RAB3GAP1: variants seen among roughly 807,000 people sequenced by gnomAD.
The protein encoded by RAB3GAP1 is RAB3 GTPase activating protein catalytic subunit 1, also known as rab3 GTPase-activating protein catalytic subunit.
RAB3GAP1 carries 86 observed loss-of-function variants against 130.7 expected under a neutral mutation model. The ratio of observed to expected loss-of-function variants is 0.66; its 90% CI spans 0.55 to 0.79. The LOEUF (loss-of-function observed/expected upper bound fraction) is 0.79. Ranked by LOEUF, RAB3GAP1 falls within the 30% of genes least tolerant of loss-of-function variation. RAB3GAP1 has a pLI of 0.00. For synonymous variants in RAB3GAP1, 367 were observed against 401.7 expected (o/e 0.91, Z 1.03); for missense variants, 1,029 against 1,169.4 (o/e 0.88, Z 1.75).
At chr2:135,157,193 A>AT (rs1253005202) in intron 19 of RAB3GAP1, among the ~76,000 whole-genome samples, 3 of 152,170 alleles carry the variant, frequency 2.0e-5, no homozygotes, top group Non-Finnish European at 4.4e-5. Context: ...ATTTTTCTTA[A>AT]TTTTTTATAG....
intron 3 of RAB3GAP1, among the ~76,000 whole-genome samples, chr2:135,065,349 A>G (rs1234041806): frequency 1.3e-5 from 2 of 152,208 alleles, no homozygotes; most frequent in Admixed American, 6.5e-5. Flanking sequence ...TTTTCCAGTT[A>G]GGTACGTGTG....
intron 3 of RAB3GAP1, among the ~76,000 whole-genome samples, chr2:135,085,236 A>G (rs1205499234): frequency 2.6e-5 from 4 of 152,190 alleles, no homozygotes; most frequent in Non-Finnish European, 5.9e-5. Flanking sequence ...TTACATTTTT[A>G]TATCCTTTTA....
intron 3 of RAB3GAP1, among the ~76,000 whole-genome samples, chr2:135,083,744 C>T (rs1338197002): frequency 2.1e-5 from 3 of 142,328 alleles, no homozygotes; most frequent in Non-Finnish European, 4.5e-5. Flanking sequence ...GGATTATAGG[C>T]GTCAGCCACT....
chr2:135,139,997 C>T (rs78443136), intron 17 of RAB3GAP1, among the ~76,000 whole-genome samples: 1,523 of 152,190 alleles, frequency 0.01, 23 homozygotes, highest in African/African-American at 0.035. Flanking sequence ...TGTACTCTTT[C>T]GTTGTATAAT....
intron 3 of RAB3GAP1, among the ~76,000 whole-genome samples, chr2:135,089,491 C>T (rs546079086): frequency 6.6e-6 from 1 of 152,170 alleles, no homozygotes; most frequent in Non-Finnish European, 1.5e-5. Flanking sequence ...TGGCCATTTT[C>T]ATAGTATTGA....
At chr2:135,159,639 A>G (rs1422532414) in intron 19 of RAB3GAP1, among the ~76,000 whole-genome samples, 1 of 152,214 alleles carries the variant, frequency 6.6e-6, no homozygotes, top group Non-Finnish European at 1.5e-5. Context: ...GGATCCTGGA[A>G]CAGGAAAATG....
intron 3 of RAB3GAP1, among the ~76,000 whole-genome samples, chr2:135,077,206 G>A (rs183571958): frequency 6.6e-6 from 1 of 152,188 alleles, no homozygotes; most frequent in East Asian, 1.9e-4. Context: ...GGAGGTGGAG[G>A]TTGCAGTGAG....
chr2:135,093,876 C>A (rs1377121309), intron 5 of RAB3GAP1, among the ~76,000 whole-genome samples, 183 bp downstream of exon 5: 1 of 152,110 alleles, frequency 6.6e-6, no homozygotes, highest in Non-Finnish European at 1.5e-5. Flanking sequence ...GAGGCAAAGT[C>A]CAGAGGAAGT....
In RAB3GAP1 at chr2:135,168,725, A is replaced by G. The variant is rs947191726; in HGVS notation, c.2890A>G (p.Thr964Ala). Reference sequence around the variant, plus strand: ...GCCTCAGCGGATGTACAGTGTTCTCACCAAAGAGGACTTTAGACTTGCAGG... The same window carrying G: ...GCCTCAGCGGATGTACAGTGTTCTCGCCAAAGAGGACTTTAGACTTGCAGG... ...ALPQRMYSVL[T>A]KEDFRLAGAF... The change falls in exon 24 of 24, where the codon ACC becomes GCC. Residue 964 changes from threonine (T) to alanine (A), a missense_variant. Thr to Ala is a moderately conservative substitution (Grantham distance 58, BLOSUM62 0). Transcript: ENST00000264158. 1.9e-6 allele frequency: 3 copies of G among 1,614,006 alleles called. No homozygotes were observed. The highest frequency in any genetic ancestry group is 2.5e-6 in the Non-Finnish European group (3 of 1,180,008).
chr2:135,068,890 C>T (rs933180119), intron 3 of RAB3GAP1, among the ~76,000 whole-genome samples: 35 of 152,180 alleles, frequency 2.3e-4, no homozygotes, highest in Admixed American at 1.8e-3. Flanking sequence ...TTTCATTACA[C>T]GACGTGCTAA....
intron 3 of RAB3GAP1, among the ~76,000 whole-genome samples, chr2:135,059,828 T>C (rs1689117404): frequency 6.6e-6 from 1 of 152,074 alleles, no homozygotes; most frequent in Non-Finnish European, 1.5e-5. Context: ...CCCTACTAGA[T>C]AGTAGTACAT....
Position 135,135,273 on chromosome 2 carries a change from G to C in RAB3GAP1, c.1508G>C (p.Ser503Thr). 5 of 1,610,196 alleles carry C rather than the reference G, an allele frequency of 3.1e-6. No homozygotes were observed. The highest frequency in any genetic ancestry group is 4.2e-6 in the Non-Finnish European group (5 of 1,176,528). The part of the protein sequence containing the change: ...ENNFLIPGLA[S>T]GPPDLRCCLL... ...CTTACTTTATTTGATAGATTAGCAA[G>C]TGGACCCCCAGATCTGAGGTGTTGT... is the stretch of plus-strand genomic sequence containing the variant. Residue 503 changes from serine to threonine, a missense_variant, in exon 16 of 24, where the codon AGT becomes ACT. This residue lies in a region of RAB3GAP1 where 373 missense variants were observed against 493.6 expected (regional missense o/e 0.76). Transcript: ENST00000264158.
chr2:135,092,937 A>G (rs923248778), intron 4 of RAB3GAP1, among the ~76,000 whole-genome samples: 5 of 152,232 alleles, frequency 3.3e-5, no homozygotes, highest in African/African-American at 7.2e-5. Flanking sequence ...CATTTATGTT[A>G]TCAGCATTGT....
chr2:135,091,905 C>T (rs888830481), intron 4 of RAB3GAP1, among the ~76,000 whole-genome samples: 2 of 152,120 alleles, frequency 1.3e-5, no homozygotes, highest in African/African-American at 4.8e-5. Context: ...GTCAAATATC[C>T]TTCTTCATTC....
rs181955007 is a variant in RAB3GAP1 at position 135,055,536 on chromosome 2, G to A, written c.75-2475G>A. Among the ~76,000 whole-genome samples the A allele has an allele frequency of 2.6e-5, 4 of 152,122 alleles. No individual in the cohort carries two copies. The East Asian group carries it at 7.8e-4, about 30-fold the overall frequency. ...CTACTAAAAATACAAAAGCTAGCTGGGCATGGTGATGTGCACCTGTAGTCC... is the reference window on the plus strand; with the variant it reads ...CTACTAAAAATACAAAAGCTAGCTGAGCATGGTGATGTGCACCTGTAGTCC... On this transcript the variant is annotated intron_variant, in intron 2 of 23. Transcript: ENST00000264158.
downstream of RAB3GAP1, among the ~76,000 whole-genome samples, chr2:135,171,818 G>A (rs1692862944): frequency 6.6e-6 from 1 of 152,092 alleles, no homozygotes; most frequent in African/African-American, 2.4e-5. Context: ...GTTTGATAAG[G>A]GAGGGGCTTA....
chr2:135,063,998 T>C (rs1689248554), intron 3 of RAB3GAP1, among the ~76,000 whole-genome samples: 1 of 152,182 alleles, frequency 6.6e-6, no homozygotes, highest in African/African-American at 2.4e-5. Context: ...ATGCTTATTT[T>C]TTTCCACTTC....
At chr2:135,061,940 T>C (rs1216194230) in intron 3 of RAB3GAP1, among the ~76,000 whole-genome samples, 1 of 152,214 alleles carries the variant, frequency 6.6e-6, no homozygotes, top group East Asian at 1.9e-4. Context: ...TCACCTTTAT[T>C]GAGTAGTTGA....
intron 18 of RAB3GAP1, chr2:135,152,805 T>G (rs1692211941): frequency 6.6e-6 from 1 of 152,214 alleles, no homozygotes; most frequent in Non-Finnish European, 1.5e-5. Context: ...ATGCCCATCC[T>G]TAGGACTCTA....
Sources: allele counts gnomAD v4.1 joint callset (sites outside exome capture counted in the v4.1 genomes callset), GRCh38; gene constraint gnomAD v4.1.1; regional missense constraint gnomAD v4.1.1; transcripts MANE v1.5; gene names NCBI Gene and HGNC (gene_info 2026-07-23, HGNC 2026-07-21).